Variants in KLHL11 observed in about 807,000 individuals in gnomAD.
KLHL11 encodes the protein kelch-like protein 11.
Under a neutral mutation model 56.1 loss-of-function variants are expected in KLHL11, and 26 were observed. The observed-to-expected ratio is 0.46, with a 90% CI of 0.34 to 0.64. The LOEUF is 0.64. Among genes scored for constraint, KLHL11 ranks in the 30% least tolerant of loss-of-function variants. The pLI, the probability that KLHL11 is intolerant of heterozygous loss-of-function variation, is 0.01. For missense variants in KLHL11, 627 were observed against 919.4 expected, an observed-to-expected ratio of 0.68 and a Z score of 4.11; for synonymous variants, 338 against 345.8, an observed-to-expected ratio of 0.98 and a Z score of 0.25.
At position 41,855,277 on chromosome 17, in the gene KLHL11, T is replaced by C. The variant is rs782394586; in HGVS notation, c.590A>G (p.Lys197Arg). ...RLKEFCGEFL[K>R]KKLHLSNCVA... ...ACAATTTGAGAGATGAAGTTTTTTC[T>C]TGAGAAATTCTCCACAAAATTCTTT... The change falls in exon 2 of 2, where the codon AAG becomes AGG. Residue 197 changes from lysine to arginine, a missense_variant. Lys to Arg is a conservative substitution (Grantham distance 26, BLOSUM62 2). Transcript: ENST00000319121. The C allele has an allele frequency of 2.5e-6, 4 of 1,597,600 alleles. No homozygotes were observed. The Admixed American group carries it at 5.2e-5, about 21-fold the overall frequency.
At chr17:41,862,721 A>G (rs1335868929) in intron 1 of KLHL11, among the ~76,000 whole-genome samples, 1 of 151,512 alleles carries the variant, frequency 6.6e-6, no homozygotes, top group Non-Finnish European at 1.5e-5. Flanking sequence ...ATTCTAGAGA[A>G]CCCCAGGGCT....
Position 41,852,915 on chromosome 17 carries a change from C to A in KLHL11, c.*825G>T, listed in dbSNP as rs1166273454. On this transcript the variant is annotated 3_prime_UTR_variant, in exon 2 of 2. Coordinates refer to ENST00000319121, the MANE Select transcript of KLHL11 (RefSeq NM_018143.3). ...ACTCATTAACATATCCTCAAATAATCCTGCAACTCCTGAAAAAAATGTTGA... is the reference window on the plus strand; with the variant it reads ...ACTCATTAACATATCCTCAAATAATACTGCAACTCCTGAAAAAAATGTTGA... Among the ~76,000 whole-genome samples, 1 of 152,034 alleles carries A rather than the reference C, an allele frequency of 6.6e-6. No individual in the cohort carries two copies. The highest frequency in any genetic ancestry group is 1.5e-5 in the Non-Finnish European group (1 of 68,002).
At position 41,854,747 on chromosome 17, in the gene KLHL11, A is replaced by C. The variant is rs782018537; in HGVS notation, c.1120T>G (p.Leu374Val). Residue 374 changes from leucine (L) to valine (V), a missense_variant, in exon 2 of 2, where the codon TTA (leucine) becomes GTA (valine). Leu to Val is a conservative substitution (Grantham distance 32). This residue lies in a region of KLHL11 where 106 missense variants were observed against 227.0 expected (regional missense o/e 0.47). Coordinates refer to ENST00000319121, the MANE Select transcript of KLHL11 (RefSeq NM_018143.3). The surrounding 1 kb of genome is among the most constrained non-coding windows in gnomAD (Gnocchi z 4.9). ...ACAAAGTATCCCACACATTCACTTA[A>C]ATAGTCCCCTCCTTCTGACACACCT... ...IGGVSEGGDY[L>V]SECVGYFVDE... The C allele has an allele frequency of 8.1e-6, 13 of 1,614,040 alleles. No individual in the cohort carries two copies. The highest frequency in any genetic ancestry group is 1.3e-5 in the African/African-American group (1 of 74,920).
chr17:41,859,069 G>A (rs1435573728), intron 1 of KLHL11, among the ~76,000 whole-genome samples: 1 of 152,072 alleles, frequency 6.6e-6, no homozygotes, highest in Non-Finnish European at 1.5e-5. Flanking sequence ...GATTCAAGTT[G>A]CCCTGAATAT....
rs1555622270 is a variant in KLHL11 at position 41,854,273 on chromosome 17, G to A, written c.1594C>T (p.Arg532Ter). 10 of 1,614,024 alleles carry A rather than the reference G, an allele frequency of 6.2e-6. No homozygotes were observed. The highest frequency in any genetic ancestry group is 1.3e-5 in the African/African-American group (1 of 74,918). Residue 532 changes from arginine (R) to a stop codon, truncating the protein, a stop_gained, in exon 2 of 2, where the codon CGA becomes TGA. Transcript: ENST00000319121. LOFTEE classifies it high-confidence loss of function. The surrounding 1 kb of genome is among the most constrained non-coding windows in gnomAD (Gnocchi z 4.9). ...AVITCYDTET[R>*]QWQDVESLPL... ...AAAGATTCCACATCTTGCCACTGTC[G>A]AGTCTCTGTATCATAGCAAGTAATT...
Position 41,864,882 on chromosome 17 carries a change from G to T in KLHL11, c.489C>A (p.Thr163=), listed in dbSNP as rs782400792. 3.2e-5 allele frequency: 51 copies of T among 1,583,488 alleles called. No individual in the cohort carries two copies. The South Asian group carries it at 5.6e-4, about 17-fold the overall frequency. ...TGCCCGTGCTGACGCGGATGCGCCC[G>T]GTGTACATGTACTCGATTACGGCTT... The part of the protein sequence containing the change: ...TVEAVIEYMY[T]GRIRVSTGSV... Residue 163 remains threonine (T), a synonymous_variant, in exon 1 of 2, where the codon ACC becomes ACA. Coordinates refer to ENST00000319121, the MANE Select transcript of KLHL11 (RefSeq NM_018143.3).
Position 41,865,377 on chromosome 17 carries a change from G to C in KLHL11, c.-7C>G. 1 of 1,396,364 alleles carries C rather than the reference G, an allele frequency of 7.2e-7. No homozygotes were observed. The highest frequency in any genetic ancestry group is 2.8e-5 in the East Asian group (1 of 35,894). 86.5% of individuals were successfully genotyped at this position (1,396,364 alleles called of 1,614,324 possible). A position where few individuals can be genotyped will look rare whatever the true frequency, so the allele number is the denominator to read the frequency against. Reference sequence around the variant, plus strand: ...CCACTGCCGCAGCCGCCATCTTGACGCCGCTGCGCCCGGCCTCCACAGCCT... The same window carrying C: ...CCACTGCCGCAGCCGCCATCTTGACCCCGCTGCGCCCGGCCTCCACAGCCT... On this transcript the variant is annotated 5_prime_UTR_variant, in exon 1 of 2. Coordinates refer to ENST00000319121, the MANE Select transcript of KLHL11 (RefSeq NM_018143.3).
intron 1 of KLHL11, among the ~76,000 whole-genome samples, chr17:41,860,845 GA>G (rs2048398027): frequency 1.3e-5 from 2 of 151,998 alleles, no homozygotes; most frequent in Admixed American, 1.3e-4. Flanking sequence ...TTTTAATATG[GA>G]TTCTACACTG....
chr17:41,850,922 G>A lies in KLHL11; in HGVS notation c.*2818C>T, dbSNP rs2048328750. The A allele has an allele frequency of 6.6e-6, 1 of 152,070 alleles. No homozygotes were observed. Among genetic ancestry groups the A allele is most frequent in the Non-Finnish European group, 1.5e-5 (1 of 68,024 alleles). The allele number at this position is 152,070 out of a possible 1,614,324, so 9.4% of individuals were successfully genotyped here. ...AGGGATACTAATTTAAAAATTTCAA[G>A]TTCTTAGTATAGAGCCCAAGACCTA... On this transcript the variant is annotated 3_prime_UTR_variant, in exon 2 of 2. Coordinates refer to ENST00000319121, the MANE Select transcript of KLHL11 (RefSeq NM_018143.3).
Position 41,853,906 on chromosome 17 carries a change from G to A in KLHL11, c.1961C>T (p.Ala654Val). 1.2e-6 allele frequency: 2 copies of A among 1,614,146 alleles called. No homozygotes were observed. Among genetic ancestry groups the A allele is most frequent in the Non-Finnish European group, 1.7e-6 (2 of 1,180,038 alleles). ...LPPMPQPRCR[A>V]TACHVRIPYR... ...TGGGATCCTCACGTGACAAGCAGTG[G>A]CTCTACAACGAGGTTGTGGCATAGG... The change falls in exon 2 of 2, where the codon GCC becomes GTC. Residue 654 changes from alanine to valine, a missense_variant. By Grantham distance (64) the Ala-to-Val change is moderately conservative. Coordinates refer to ENST00000319121, the MANE Select transcript of KLHL11 (RefSeq NM_018143.3).
intron 1 of KLHL11, among the ~76,000 whole-genome samples, chr17:41,857,227 C>T (rs553539848): frequency 6.6e-6 from 1 of 151,696 alleles, no homozygotes; most frequent in Non-Finnish European, 1.5e-5. Flanking sequence ...CGTATACAGG[C>T]CGGGCGCAGT....
rs71155178 is a variant in KLHL11, at chr17:41,861,686, CAAAAAAAAAAAAAA to C, written c.545+3126_545+3139del. 1.8e-4 allele frequency among the ~76,000 whole-genome samples: 11 copies of C among 61,870 alleles called. No homozygotes were observed. In the Admixed American group the frequency reaches 1.9e-3, roughly 11 times the overall value. The allele number at this position is 61,870 out of a possible 152,430, so 40.6% of individuals were successfully genotyped here. On this transcript the variant is annotated intron_variant, in intron 1 of 1. Coordinates refer to ENST00000319121, the MANE Select transcript of KLHL11 (RefSeq NM_018143.3). ...GGGAAACAGAGCGAGACTCTTGTCT[CAAAAAAAAAAAAAA>C]AAAAAAAAAAAGAATGTCAGCTGTG...
rs2048319393 is a variant in KLHL11, at chr17:41,849,382, T to TA, written c.*4357_*4358insT. ...TCTCCTGTCTACATACAGTATAGTGTTGACTTTAGAATTACAAAGCAGAAA... is the reference window on the plus strand; with the variant it reads ...TCTCCTGTCTACATACAGTATAGTGTATGACTTTAGAATTACAAAGCAGAAA... On this transcript the variant is annotated 3_prime_UTR_variant, in exon 2 of 2. Coordinates refer to ENST00000319121, the MANE Select transcript of KLHL11 (RefSeq NM_018143.3). 1 of 152,156 alleles carries TA rather than the reference T, an allele frequency of 6.6e-6. No individual in the cohort carries two copies. Among genetic ancestry groups the TA allele is most frequent in the African/African-American group, 2.4e-5 (1 of 41,418 alleles). The allele number at this position is 152,156 out of a possible 1,614,324, so 9.4% of individuals were successfully genotyped here. A position where few individuals can be genotyped will look rare whatever the true frequency, so the allele number is the denominator to read the frequency against.
In KLHL11 at chr17:41,857,330, C is replaced by T. The variant is rs2048372809; in HGVS notation, c.546-2009G>A. Reference sequence around the variant, plus strand: ...AAGCAGCCTGGCCAACATGGTGAAACCTTGTCTCTACTAAAAATACAAAAA... The same window carrying T: ...AAGCAGCCTGGCCAACATGGTGAAATCTTGTCTCTACTAAAAATACAAAAA... On this transcript the variant is annotated intron_variant, in intron 1 of 1. Coordinates refer to ENST00000319121, the MANE Select transcript of KLHL11 (RefSeq NM_018143.3). 5.3e-5 allele frequency among the ~76,000 whole-genome samples: 8 copies of T among 151,720 alleles called. No homozygotes were observed. The South Asian group carries it at 1.7e-3, about 32-fold the overall frequency.
chr17:41,855,279 G>C lies in KLHL11; in HGVS notation c.588C>G (p.Leu196=). 1 of 1,594,652 alleles carries C rather than the reference G, an allele frequency of 6.3e-7. No individual in the cohort carries two copies. Among genetic ancestry groups the C allele is most frequent in the African/African-American group, 1.3e-5 (1 of 74,458 alleles). ...AATTTGAGAGATGAAGTTTTTTCTT[G>C]AGAAATTCTCCACAAAATTCTTTTA... ...IRLKEFCGEF[L]KKKLHLSNCV... is the part of the protein sequence containing the mutation. Residue 196 remains leucine (L), a synonymous_variant, in exon 2 of 2, where the codon CTC becomes CTG. Transcript: ENST00000319121.
intron 1 of KLHL11, among the ~76,000 whole-genome samples, chr17:41,860,336 T>C (rs2048394873): frequency 7.0e-6 from 1 of 143,498 alleles, no homozygotes; most frequent in Admixed American, 7.4e-5. Context: ...ATTATATTTC[T>C]GATCCTTACA....
Position 41,849,303 on chromosome 17 carries a change from A to G in KLHL11, c.*4437T>C, listed in dbSNP as rs2144145855. On this transcript the variant is annotated 3_prime_UTR_variant, in exon 2 of 2. Coordinates refer to ENST00000319121, the MANE Select transcript of KLHL11 (RefSeq NM_018143.3). Reference sequence around the variant, plus strand: ...TAATTTGAGAAAAGTATCAAAAAAGAAGTCCCTTTAGTTATGCTTGATTAG... The same window carrying G: ...TAATTTGAGAAAAGTATCAAAAAAGGAGTCCCTTTAGTTATGCTTGATTAG... 1 of 152,368 alleles carries G rather than the reference A, an allele frequency of 6.6e-6. No homozygotes were observed. The highest frequency in any genetic ancestry group is 1.9e-4 in the East Asian group (1 of 5,194). The allele number at this position is 152,368 out of a possible 1,614,324, so 9.4% of individuals were successfully genotyped here. A position where few individuals can be genotyped will look rare whatever the true frequency, so the allele number is the denominator to read the frequency against.
intron 1 of KLHL11, among the ~76,000 whole-genome samples, chr17:41,857,093 G>A (rs1224944433): frequency 6.6e-6 from 1 of 152,128 alleles, no homozygotes; most frequent in Non-Finnish European, 1.5e-5. Flanking sequence ...CTACTCAGGG[G>A]GCTTAGGCAA....
chr17:41,857,621 C>A (rs782713477), intron 1 of KLHL11, among the ~76,000 whole-genome samples: 1 of 151,514 alleles, frequency 6.6e-6, no homozygotes, highest in Non-Finnish European at 1.5e-5. Flanking sequence ...CATATATACA[C>A]ACATATACAT....
Sources: allele counts gnomAD v4.1 joint callset (sites outside exome capture counted in the v4.1 genomes callset), GRCh38; gene constraint gnomAD v4.1.1; regional missense constraint gnomAD v4.1.1; non-coding constraint Gnocchi (gnomAD v3.1); transcripts MANE v1.5; gene names NCBI Gene and HGNC (gene_info 2026-07-23, HGNC 2026-07-21).